Variants in DSC2 observed in about 807,000 individuals in gnomAD.
DSC2 encodes the protein desmocollin-2.
A neutral mutation model predicts 87.6 loss-of-function variants in DSC2; 51 were observed. The observed-to-expected ratio is 0.58, with a 90% CI of 0.46 to 0.74. The LOEUF is 0.74. Among genes scored for constraint, DSC2 ranks in the 30% least tolerant of loss-of-function variants. DSC2 has a pLI of 0.00. For synonymous variants in DSC2, 383 were observed against 393.2 expected, an observed-to-expected ratio of 0.97 and a Z score of 0.31; for missense variants, 1,066 against 1,089.5, an observed-to-expected ratio of 0.98 and a Z score of 0.30.
chr18:31,069,394 T>C (rs1567972046), intron 14 of DSC2, among the ~76,000 whole-genome samples: 1 of 152,076 alleles, frequency 6.6e-6, no homozygotes, highest in Admixed American at 6.6e-5. Context: ...ATTAGGAAGC[T>C]TGATGTATAT....
In DSC2 at chr18:31,061,040, A is replaced by T. The variant is rs1308749273; in HGVS notation, c.*6975T>A. The T allele has an allele frequency of 6.6e-6, 1 of 152,236 alleles. No individual in the cohort carries two copies. 9.4% of individuals were successfully genotyped at this position (152,236 alleles called of 1,614,324 possible). Reference sequence around the variant, plus strand: ...ACTTTAGAGTAAGAAAAAATGACCTAGAAAATGTATTGAAAAGTGAAGGCT... The same window carrying T: ...ACTTTAGAGTAAGAAAAAATGACCTTGAAAATGTATTGAAAAGTGAAGGCT... On this transcript the variant is annotated 3_prime_UTR_variant, in exon 16 of 16. Transcript: ENST00000280904.
chr18:31,077,952 C>T (rs1204366793), intron 11 of DSC2, among the ~76,000 whole-genome samples: 1 of 151,996 alleles, frequency 6.6e-6, no homozygotes, highest in African/African-American at 2.4e-5. Context: ...GAATTTAAAG[C>T]TTAAGAAATA....
intron 11 of DSC2, among the ~76,000 whole-genome samples, chr18:31,077,679 A>G (rs985638317): frequency 6.6e-6 from 1 of 152,208 alleles, no homozygotes; most frequent in Non-Finnish European, 1.5e-5. Context: ...TAAAATGCTC[A>G]TCTTCTAGTA....
chr18:31,069,302 T>C (rs933998126), intron 14 of DSC2, 151 bp from the exon 15 acceptor site: 63 of 1,013,790 alleles, frequency 6.2e-5, no homozygotes, highest in Non-Finnish European at 1.0e-5. Flanking sequence ...TTGTGAATCC[T>C]GCATACCCAA....
chr18:31,101,373 C>T, intron 1 of DSC2: 1 of 740,594 alleles, frequency 1.4e-6, no homozygotes, highest in Non-Finnish European at 1.6e-6. Context: ...TCCGTCCCGG[C>T]CGCCCAGCGG....
chr18:31,061,599 T>C lies in DSC2; in HGVS notation c.*6416A>G, dbSNP rs1313733388. On this transcript the variant is annotated 3_prime_UTR_variant, in exon 16 of 16. Transcript: ENST00000280904. ...TGTTCTTTTAAATTAAAGTGCTCTGTTTACCTGACTAGCTATTTCAAAGCT... is the reference window on the plus strand; with the variant it reads ...TGTTCTTTTAAATTAAAGTGCTCTGCTTACCTGACTAGCTATTTCAAAGCT... 1 of 152,198 alleles carries C rather than the reference T, an allele frequency of 6.6e-6. No individual in the cohort carries two copies. Among genetic ancestry groups the C allele is most frequent in the Non-Finnish European group, 1.5e-5 (1 of 68,046 alleles). 9.4% of individuals were successfully genotyped at this position (152,198 alleles called of 1,614,324 possible).
At chr18:31,068,470 C>A in intron 15 of DSC2, 3 of 1,012,522 alleles carry the variant, frequency 3.0e-6, no homozygotes, top group South Asian at 1.4e-5. Flanking sequence ...ATAGTCACTA[C>A]TTTCCCTTTC....
intron 13 of DSC2, 82 bp downstream of exon 13, chr18:31,071,523 G>T: frequency 7.9e-7 from 1 of 1,272,374 alleles, no homozygotes; most frequent in Non-Finnish European, 1.1e-6. Flanking sequence ...TCCAGCCTGG[G>T]CTCTGTCTCA....
At position 31,086,641 on chromosome 18, in the gene DSC2, T is replaced by C; in HGVS notation, c.877A>G (p.Thr293Ala). ...GTAGTTGGATGCATAGAAAATAGGG[T>C]GGGTGATGGTGGCACCTGCCCAATG... ...SIIGQVPPSP[T>A]LFSMHPTTGV... Residue 293 changes from threonine (T) to alanine (A), a missense_variant, in exon 7 of 16, where the codon ACC (threonine) becomes GCC (alanine). By Grantham distance (58) the Thr-to-Ala change is moderately conservative (BLOSUM62 0). Transcript: ENST00000280904. 1.2e-6 allele frequency: 2 copies of C among 1,614,098 alleles called. No individual in the cohort carries two copies. Among genetic ancestry groups the C allele is most frequent in the African/African-American group, 1.3e-5 (1 of 75,038 alleles).
chr18:31,101,098 G>A, intron 1 of DSC2: 1 of 763,842 alleles, frequency 1.3e-6, no homozygotes, highest in Non-Finnish European at 1.6e-6. Flanking sequence ...GGGGCGGGTG[G>A]TGAGCAGAAA....
chr18:31,075,500 A>T (rs1431193590), intron 11 of DSC2, among the ~76,000 whole-genome samples: 7 of 152,226 alleles, frequency 4.6e-5, no homozygotes, highest in Admixed American at 4.6e-4. Context: ...TTGAAAACTG[A>T]AATAATCACT....
At chr18:31,071,936 G>C (rs1567973355) in intron 12 of DSC2, 95 bp from the exon 13 acceptor site, 2 of 1,136,714 alleles carry the variant, frequency 1.8e-6, no homozygotes, top group Non-Finnish European at 2.6e-6. Flanking sequence ...TATTTTCCTA[G>C]AAACAGATAT....
Position 31,093,595 on chromosome 18 carries a change from G to T in DSC2, c.118C>A (p.Pro40Thr), listed in dbSNP as rs1987671927. ...DACKNVTLHV[P>T]SKLDAEKLVG... ...AGTTTCTCGGCATCTAGTTTGGAGGGAACATGTAATGTCACATTTTTGCAG... is the reference window on the plus strand; with the variant it reads ...AGTTTCTCGGCATCTAGTTTGGAGGTAACATGTAATGTCACATTTTTGCAG... Residue 40 changes from proline to threonine, a missense_variant, in exon 2 of 16, where the codon CCC becomes ACC. Transcript: ENST00000280904. 6.9e-6 allele frequency: 11 copies of T among 1,603,098 alleles called. No individual in the cohort carries two copies. The highest frequency in any genetic ancestry group is 1.1e-5 in the South Asian group (1 of 90,494).
chr18:31,091,552 G>C (rs912996845), intron 3 of DSC2: 12 of 459,632 alleles, frequency 2.6e-5, no homozygotes, highest in Non-Finnish European at 4.8e-5. Flanking sequence ...CAGAGCCAGG[G>C]AACCAACAGA....
chr18:31,101,250 A>C (rs1987937486), intron 1 of DSC2: 1 of 985,128 alleles, frequency 1.0e-6, no homozygotes, highest in South Asian at 4.7e-5. Flanking sequence ...AGTCCTCAGG[A>C]GCAAAGGGTC....
rs567552144 is a variant in DSC2, at chr18:31,061,222, G to A, written c.*6793C>T. The A allele has an allele frequency of 6.6e-6, 1 of 152,282 alleles. No individual in the cohort carries two copies. The highest frequency in any genetic ancestry group is 1.9e-4 in the East Asian group (1 of 5,186). 9.4% of individuals were successfully genotyped at this position (152,282 alleles called of 1,614,324 possible). The stretch of plus-strand genomic sequence containing the variant: ...TATCAGCAAGTTTGCCTTCATATTT[G>A]TTAACTGAAAAGCAGTGAGTGTTCT... On this transcript the variant is annotated 3_prime_UTR_variant, in exon 16 of 16. Coordinates refer to ENST00000280904, the MANE Select transcript of DSC2 (RefSeq NM_024422.6).
rs776535187 is a variant in DSC2, at chr18:31,068,386, C to T, written c.2509-174G>A. 2.5e-6 allele frequency: 4 copies of T among 1,582,646 alleles called. No individual in the cohort carries two copies. The East Asian group carries it at 9.0e-5, about 35-fold the overall frequency. ...CACATGATTGGTCTGTTTCATACATCACACTATAAATTCAGTATAGCATGT... is the reference window on the plus strand; with the variant it reads ...CACATGATTGGTCTGTTTCATACATTACACTATAAATTCAGTATAGCATGT... On this transcript the variant is annotated intron_variant, in intron 15 of 15. Transcript: ENST00000280904.
intron 14 of DSC2, among the ~76,000 whole-genome samples, chr18:31,070,356 G>A (rs1393278267): frequency 6.6e-6 from 1 of 152,114 alleles, no homozygotes; most frequent in East Asian, 1.9e-4. Flanking sequence ...TGATTTTATT[G>A]TTGCCAGAAA....
chr18:31,065,370 A>C lies in DSC2; in HGVS notation c.*2645T>G, dbSNP rs893054296. 3 of 152,276 alleles carry C rather than the reference A, an allele frequency of 2.0e-5. No individual in the cohort carries two copies. Among genetic ancestry groups the C allele is most frequent in the African/African-American group, 7.2e-5 (3 of 41,464 alleles). The allele number at this position is 152,276 out of a possible 1,614,324, so 9.4% of individuals were successfully genotyped here. On this transcript the variant is annotated 3_prime_UTR_variant, in exon 16 of 16. Transcript: ENST00000280904. ...TAGCAGTGGCTAAGGTACATGATTG[A>C]GTGCTAACTCTATGCCAACTCTTTT... is the stretch of plus-strand genomic sequence containing the variant.
Sources: allele counts gnomAD v4.1 joint callset (sites outside exome capture counted in the v4.1 genomes callset), GRCh38; gene constraint gnomAD v4.1.1; transcripts MANE v1.5; gene names NCBI Gene and HGNC (gene_info 2026-07-23, HGNC 2026-07-21).